EEA1: variants seen among roughly 807,000 people sequenced by gnomAD.
EEA1 encodes early endosome antigen 1, 162kD.
In EEA1, 111 loss-of-function variants were observed where a neutral mutation model predicts 209.2. The observed-to-expected ratio is 0.53, with a 90% CI of 0.45 to 0.62. EEA1 has a LOEUF of 0.62. Among genes scored for constraint, EEA1 ranks in the 20% least tolerant of loss-of-function variants. The pLI, the probability that EEA1 is intolerant of heterozygous loss-of-function variation, is 0.00. For missense variants in EEA1, 1,343 were observed against 1,530.8 expected (o/e 0.88, Z 2.05); for synonymous variants, 536 against 540.6 (o/e 0.99, Z 0.12).
At chr12:92,857,702 T>C (rs1877943173) in intron 3 of EEA1, among the ~76,000 whole-genome samples, 1 of 152,206 alleles carries the variant, frequency 6.6e-6, no homozygotes, top group Non-Finnish European at 1.5e-5. Context: ...AAAAACATTT[T>C]CTCATGGAAA....
At chr12:92,862,115 C>T (rs1353454466) in intron 3 of EEA1, among the ~76,000 whole-genome samples, 2 of 152,160 alleles carry the variant, frequency 1.3e-5, no homozygotes, top group African/African-American at 4.8e-5. Context: ...ATAGCCTGCT[C>T]ATAGTCACAT....
intron 18 of EEA1, among the ~76,000 whole-genome samples, chr12:92,802,996 T>C (rs1875001708): frequency 6.6e-6 from 1 of 152,072 alleles, no homozygotes; most frequent in African/African-American, 2.4e-5. Context: ...CCTGACTTAA[T>C]CCATTTTTGT....
chr12:92,877,308 A>G (rs569153380), intron 2 of EEA1, among the ~76,000 whole-genome samples: 2 of 151,982 alleles, frequency 1.3e-5, no homozygotes, highest in Admixed American at 1.3e-4. Context: ...AAATGGCATC[A>G]TAAAATCCTA....
intron 2 of EEA1, among the ~76,000 whole-genome samples, chr12:92,885,488 T>C (rs1250768958): frequency 1.3e-5 from 2 of 152,156 alleles, no homozygotes; most frequent in Non-Finnish European, 2.9e-5. Flanking sequence ...TGGTGGCATA[T>C]GGAAAAAACA....
chr12:92,837,574 A>G (rs942106132), intron 10 of EEA1, among the ~76,000 whole-genome samples: 1 of 152,222 alleles, frequency 6.6e-6, no homozygotes, highest in Admixed American at 6.5e-5. Flanking sequence ...TAGATAAGCA[A>G]TATAATTTTG....
At chr12:92,927,777 A>G (rs1881263943) in intron 1 of EEA1, among the ~76,000 whole-genome samples, 1 of 152,254 alleles carries the variant, frequency 6.6e-6, no homozygotes, top group African/African-American at 2.4e-5. Context: ...AGTAAAGGAC[A>G]TGCCCTTGTT....
intron 1 of EEA1, among the ~76,000 whole-genome samples, chr12:92,910,037 A>G (rs1314972673): frequency 6.6e-6 from 1 of 152,032 alleles, no homozygotes; most frequent in Non-Finnish European, 1.5e-5. Context: ...CAGCTACTTG[A>G]GAGGCTGAGG....
chr12:92,779,992 T>C (rs1873833742), intron 24 of EEA1, among the ~76,000 whole-genome samples: 1 of 152,172 alleles, frequency 6.6e-6, no homozygotes, highest in Non-Finnish European at 1.5e-5. Context: ...CCTGTGAGCA[T>C]AATTTTCTAA....
chr12:92,925,906 G>T (rs772970846), intron 1 of EEA1, among the ~76,000 whole-genome samples: 3 of 151,952 alleles, frequency 2.0e-5, no homozygotes, highest in Non-Finnish European at 4.4e-5. Context: ...TTTAAAAAAT[G>T]CTATTTAAAG....
intron 28 of EEA1, 125 bp downstream of exon 28, chr12:92,776,719 T>C (rs761397486): frequency 2.8e-4 from 238 of 846,146 alleles, no homozygotes; most frequent in Non-Finnish European, 4.0e-4. Flanking sequence ...TCTATGTTGT[T>C]GTTAAAGTTT....
Position 92,854,297 on chromosome 12 carries a change from G to A in EEA1, c.367-343C>T, listed in dbSNP as rs560365692. ...TATAGATTCTAAAACAAATACTTAAGTCAACTGGCAACATTCAATCGTATT... is the reference window on the plus strand; with the variant it reads ...TATAGATTCTAAAACAAATACTTAAATCAACTGGCAACATTCAATCGTATT... On this transcript the variant is annotated intron_variant, in intron 5 of 28. Transcript: ENST00000322349. 2.0e-5 allele frequency among the ~76,000 whole-genome samples: 3 copies of A among 152,242 alleles called. No individual in the cohort carries two copies. The South Asian group carries it at 6.2e-4, about 32-fold the overall frequency.
At chr12:92,898,613 G>A (rs909112417) in intron 1 of EEA1, among the ~76,000 whole-genome samples, 14 of 149,064 alleles carry the variant, frequency 9.4e-5, no homozygotes, top group Non-Finnish European at 2.1e-4. Context: ...GCAGTGAGCC[G>A]AGATCGTGCC....
At chr12:92,826,139 A>T (rs767271301) in intron 13 of EEA1, 27 bp downstream of exon 13, 58 of 1,608,256 alleles carry the variant, frequency 3.6e-5, no homozygotes, top group Non-Finnish European at 6.8e-6. Flanking sequence ...TTGTGTTTAC[A>T]AGGCTAATAA....
chr12:92,828,703 G>A lies in EEA1; in HGVS notation c.1255-642C>T, dbSNP rs80333135. Among the ~76,000 whole-genome samples, 150 of 151,442 alleles carry A rather than the reference G, an allele frequency of 9.9e-4. 1 individual carries two copies. The highest frequency in any genetic ancestry group is 3.3e-3 in the African/African-American group (135 of 41,248). ...AACTAAGGGAGTTAAGAACCATCAC[G>A]AGTAGTCCACCCTGTTATACATACC... On this transcript the variant is annotated intron_variant, in intron 11 of 28. Transcript: ENST00000322349.
chr12:92,874,740 C>T (rs1732555149), intron 2 of EEA1, among the ~76,000 whole-genome samples: 1 of 152,220 alleles, frequency 6.6e-6, no homozygotes, highest in Non-Finnish European at 1.5e-5. Flanking sequence ...TTTCCATATA[C>T]AGTCATTCAT....
At position 92,788,331 on chromosome 12, in the gene EEA1, T is replaced by C. The variant is rs75562310; in HGVS notation, c.2968-282A>G. Among the ~76,000 whole-genome samples, 899 of 151,488 alleles carry C rather than the reference T, an allele frequency of 5.9e-3. 11 individuals are homozygous for C. The highest frequency in any genetic ancestry group is 0.021 in the African/African-American group (850 of 41,284). On this transcript the variant is annotated intron_variant, in intron 21 of 28. Coordinates refer to ENST00000322349, the MANE Select transcript of EEA1 (RefSeq NM_003566.4). ...TACTATCAGGTCTCGGGAGAAAGAGTAACAACTACATTCTGAGGGAGCATG... is the reference window on the plus strand; with the variant it reads ...TACTATCAGGTCTCGGGAGAAAGAGCAACAACTACATTCTGAGGGAGCATG...
intron 3 of EEA1, among the ~76,000 whole-genome samples, chr12:92,862,364 G>C (rs530034123): frequency 6.6e-6 from 1 of 152,246 alleles, no homozygotes; most frequent in African/African-American, 2.4e-5. Flanking sequence ...GGCAGGTTGA[G>C]GTGGGAGAAT....
intron 2 of EEA1, among the ~76,000 whole-genome samples, chr12:92,870,336 CCTTT>C (rs1405489179): frequency 6.6e-6 from 1 of 152,060 alleles, no homozygotes; most frequent in African/African-American, 2.4e-5. Flanking sequence ...AGCTATGTTT[CCTTT>C]GTTTTTGGAA....
intron 1 of EEA1, among the ~76,000 whole-genome samples, chr12:92,920,954 T>G (rs1880960971): frequency 6.6e-6 from 1 of 151,662 alleles, no homozygotes; most frequent in Non-Finnish European, 1.5e-5. Flanking sequence ...GAACAAACAC[T>G]TCTCAAAAGA....
Sources: gnomAD v4.1 joint callset for allele counts (sites outside exome capture counted in the v4.1 genomes callset) on GRCh38, gnomAD v4.1.1 for gene constraint, MANE v1.5 for transcripts, NCBI Gene and HGNC (gene_info 2026-07-23, HGNC 2026-07-21) for gene names.